The following LLGL2 variants were observed in gnomAD, a reference collection of about 807,000 sequenced individuals.
The protein encoded by LLGL2 is LLGL scribble cell polarity complex component 2, also known as LLGL2, scribble cell polarity complex component.
In LLGL2, 81 loss-of-function variants were observed where a neutral mutation model predicts 123.2. The observed-to-expected ratio is 0.66, with a 90% confidence interval of 0.55 to 0.79. The LOEUF is 0.79. LLGL2 is among the 30% of genes least tolerant of loss of function. The probability of loss-of-function intolerance (pLI) is 0.00; values close to 1 mark genes in which losing one functional copy is unlikely to be tolerated. For missense variants in LLGL2, 1,273 were observed against 1,414.6 expected, an observed-to-expected ratio of 0.90 and a Z score of 1.61; for synonymous variants, 577 against 594.1, an observed-to-expected ratio of 0.97 and a Z score of 0.42.
In LLGL2 at chr17:75,558,260, GA is replaced by G; in HGVS notation, c.255+26del. On this transcript the variant is annotated intron_variant, in intron 4 of 25. Transcript: ENST00000392550. This position sits in a 1 kb window ranked among gnomAD's most constrained non-coding sequence, Gnocchi z 4.0. Reference sequence around the variant, plus strand: ...AGGTGAGGGACCTGGGGTGGGACAGGAAGCCACTTCCATGCCCTCCTTGCCT... The same window carrying G: ...AGGTGAGGGACCTGGGGTGGGACAGGAGCCACTTCCATGCCCTCCTTGCCT... The G allele has an allele frequency of 3.1e-6, 5 of 1,600,638 alleles. No individual in the cohort carries two copies. The highest frequency in any genetic ancestry group is 3.4e-6 in the Non-Finnish European group (4 of 1,171,472).
chr17:75,572,937 G>A (rs1338629525), intron 19 of LLGL2, 77 bp from the exon 20 acceptor site: 9 of 1,506,862 alleles, frequency 6.0e-6, no homozygotes, highest in Non-Finnish European at 8.0e-6. Flanking sequence ...TGTGGGGAGG[G>A]GAGGGCCCAG....
At chr17:75,537,511 T>C (rs1409911029) in intron 1 of LLGL2, among the ~76,000 whole-genome samples, 2 of 152,026 alleles carry the variant, frequency 1.3e-5, no homozygotes, top group African/African-American at 2.4e-5. Flanking sequence ...CTGGCCAATA[T>C]GGTGAAAACC....
intron 1 of LLGL2, among the ~76,000 whole-genome samples, chr17:75,540,499 TGCCC>T (rs2054165779): frequency 6.6e-6 from 1 of 152,210 alleles, no homozygotes; most frequent in African/African-American, 2.4e-5. Context: ...CCACCAGCCC[TGCCC>T]AGCCAGACCT....
At chr17:75,547,935 T>C (rs910018205) in intron 2 of LLGL2, among the ~76,000 whole-genome samples, 1 of 152,044 alleles carries the variant, frequency 6.6e-6, no homozygotes, top group Non-Finnish European at 1.5e-5. Context: ...AGGTCCTGGG[T>C]AATAAAAGTT....
intron 6 of LLGL2, among the ~76,000 whole-genome samples, chr17:75,560,834 AAAGAAAAAACAT>A (rs2055185275): frequency 1.2e-5 from 1 of 83,382 alleles, no homozygotes; most frequent in Admixed American, 9.8e-5. Flanking sequence ...AAAAAAAAAC[AAAGAAAAAACAT>A]TTTTTTTGAG....
In LLGL2 at chr17:75,559,109, G is replaced by A. The variant is rs147326996; in HGVS notation, c.372-143G>A. ...TCTGTCTCCTGTCTTGGCAGAAAGT[G>A]ACCAATGTTTGTCCTGGCTTGAAAT... is the stretch of plus-strand genomic sequence containing the variant. On this transcript the variant is annotated intron_variant, in intron 5 of 25. Coordinates refer to ENST00000392550, the MANE Select transcript of LLGL2 (RefSeq NM_001031803.2). This position sits in a 1 kb window ranked among gnomAD's most constrained non-coding sequence, Gnocchi z 4.6. 1 of 905,956 alleles carries A rather than the reference G, an allele frequency of 1.1e-6. No individual in the cohort carries two copies. Among genetic ancestry groups the A allele is most frequent in the Non-Finnish European group, 1.6e-6 (1 of 620,984 alleles). 56.1% of individuals were successfully genotyped at this position (905,956 alleles called of 1,614,324 possible). A position where few individuals can be genotyped will look rare whatever the true frequency, so the allele number is the denominator to read the frequency against.
In LLGL2 at chr17:75,563,162, A is replaced by G; in HGVS notation, c.677A>G (p.His226Arg). 6.2e-7 allele frequency: 1 copy of G among 1,613,046 alleles called. No homozygotes were observed. Among genetic ancestry groups the G allele is most frequent in the Non-Finnish European group, 8.5e-7 (1 of 1,179,988 alleles). The change falls in exon 7 of 26, where the codon CAC (histidine) becomes CGC (arginine). Residue 226 changes from histidine to arginine, a missense_variant. Coordinates refer to ENST00000392550, the MANE Select transcript of LLGL2 (RefSeq NM_001031803.2). ...WDLQGSRVLY[H>R]FLSSQQLENI... ...CTACAGGGCAGCCGCGTGCTCTACCACTTCCTCAGCAGCCAGGTAGGCAGT... is the reference window on the plus strand; with the variant it reads ...CTACAGGGCAGCCGCGTGCTCTACCGCTTCCTCAGCAGCCAGGTAGGCAGT...
chr17:75,557,901 C>A, intron 3 of LLGL2: 1 of 534,188 alleles, frequency 1.9e-6, no homozygotes, highest in Non-Finnish European at 3.4e-6. Flanking sequence ...AGGGCTTCGC[C>A]TTTCTATGGA....
At chr17:75,556,021 C>G in intron 2 of LLGL2, 25 bp from the exon 3 acceptor site, 1 of 1,592,342 alleles carries the variant, frequency 6.3e-7, no homozygotes, top group Admixed American at 1.7e-5. Context: ...GTCTGCAGGC[C>G]CACCCCACGT....
At chr17:75,546,918 G>C (rs62088551) in intron 2 of LLGL2, among the ~76,000 whole-genome samples, 47,497 of 150,104 alleles carry the variant, frequency 0.32, 9,096 homozygotes, top group South Asian at 0.58. Context: ...CACGTGGGCT[G>C]TTGGTGTAGG....
chr17:75,558,951 C>G lies in LLGL2; in HGVS notation c.372-301C>G. ...ACCTCCTCCATCCGCACCCCGCCTC[C>G]TCCATCCGCACCCCGCCTCCTCCAT... On this transcript the variant is annotated intron_variant, in intron 5 of 25. Coordinates refer to ENST00000392550, the MANE Select transcript of LLGL2 (RefSeq NM_001031803.2). This position sits in a 1 kb window ranked among gnomAD's most constrained non-coding sequence, Gnocchi z 4.0. 1 of 472,962 alleles carries G rather than the reference C, an allele frequency of 2.1e-6. No homozygotes were observed. Among genetic ancestry groups the G allele is most frequent in the Non-Finnish European group, 3.8e-6 (1 of 262,112 alleles). 29.3% of individuals were successfully genotyped at this position (472,962 alleles called of 1,614,324 possible).
intron 1 of LLGL2, among the ~76,000 whole-genome samples, chr17:75,540,420 C>A (rs2054162853): frequency 6.6e-6 from 1 of 152,196 alleles, no homozygotes; most frequent in Admixed American, 6.5e-5. Context: ...CCTTGGTCCT[C>A]CTGGCTCCAT....
intron 1 of LLGL2, among the ~76,000 whole-genome samples, chr17:75,532,155 A>G (rs1479621012): frequency 7.3e-6 from 1 of 137,928 alleles, no homozygotes; most frequent in Non-Finnish European, 1.5e-5. Flanking sequence ...ATTTCGGCTC[A>G]CTGCAGTCTC....
chr17:75,556,358 G>A (rs1334766513), intron 3 of LLGL2, among the ~76,000 whole-genome samples: 2 of 152,190 alleles, frequency 1.3e-5, no homozygotes, highest in African/African-American at 2.4e-5. Context: ...GGTGGGATGC[G>A]ACCCTGTCCT....
chr17:75,538,825 G>A (rs1015126408), intron 1 of LLGL2, among the ~76,000 whole-genome samples: 6 of 152,204 alleles, frequency 3.9e-5, no homozygotes, highest in African/African-American at 1.4e-4. Context: ...GCTCTGACAA[G>A]GGAATGGTCA....
At chr17:75,565,457 T>C (rs1462534006) in intron 10 of LLGL2, among the ~76,000 whole-genome samples, 2 of 152,188 alleles carry the variant, frequency 1.3e-5, no homozygotes, top group Non-Finnish European at 2.9e-5. Flanking sequence ...TGCTTTTCTT[T>C]CTTTCTCAGC....
At chr17:75,539,656 G>A (rs573350285) in intron 1 of LLGL2, among the ~76,000 whole-genome samples, 1 of 149,780 alleles carries the variant, frequency 6.7e-6, no homozygotes, top group Non-Finnish European at 1.5e-5. Context: ...CACCCAGACT[G>A]GAGTGCAGTG....
intron 1 of LLGL2, among the ~76,000 whole-genome samples, chr17:75,530,638 A>G (rs2053747378): frequency 8.9e-6 from 1 of 112,512 alleles, no homozygotes; most frequent in Non-Finnish European, 2.1e-5. Context: ...CGACAGAGCG[A>G]GACTCCATTT....
Position 75,569,107 on chromosome 17 carries a change from G to A in LLGL2, c.1452G>A (p.Glu484=), listed in dbSNP as rs1393355684. The change falls in exon 13 of 26, where the codon GAG becomes GAA. Residue 484 remains glutamate, a synonymous_variant. Coordinates refer to ENST00000392550, the MANE Select transcript of LLGL2 (RefSeq NM_001031803.2). ...ACGAGAACTTCAGTGCCCAGGGCGA[G>A]GACGAGTGGCCCCCACTCCGCAAGG... The part of the protein sequence containing the change: ...DPNENFSAQG[E]DEWPPLRKVG... The A allele has an allele frequency of 6.2e-7, 1 of 1,613,450 alleles. No homozygotes were observed. Among genetic ancestry groups the A allele is most frequent in the South Asian group, 1.1e-5 (1 of 91,038 alleles).
Sources: gnomAD v4.1 joint callset for allele counts (sites outside exome capture counted in the v4.1 genomes callset) on GRCh38, gnomAD v4.1.1 for gene constraint, Gnocchi (gnomAD v3.1) non-coding constraint, MANE v1.5 for transcripts, NCBI Gene and HGNC (gene_info 2026-07-23, HGNC 2026-07-21) for gene names.